The following OSBP2 variants were observed in gnomAD, a reference collection of about 807,000 sequenced individuals.
OSBP2 encodes oxysterol binding protein 2.
Under a neutral mutation model 96.0 loss-of-function variants are expected in OSBP2, and 66 were observed. The ratio of observed to expected loss-of-function variants is 0.69; its 90% CI spans 0.56 to 0.84. The LOEUF is 0.84. Ranked by LOEUF, OSBP2 falls within the 40% of genes least tolerant of loss-of-function variation. OSBP2 has a pLI of 0.00. For synonymous variants in OSBP2, 525 were observed against 520.9 expected, an observed-to-expected ratio of 1.01 and a Z score of -0.11; for missense variants, 1,038 against 1,222.7, an observed-to-expected ratio of 0.85 and a Z score of 2.25.
At chr22:30,753,744 T>C (rs1427538643) in intron 2 of OSBP2, among the ~76,000 whole-genome samples, 1 of 152,220 alleles carries the variant, frequency 6.6e-6, no homozygotes, top group Non-Finnish European at 1.5e-5. Flanking sequence ...AAAAGAGTTA[T>C]TATTGGACTT....
chr22:30,903,328 G>GTCCTA (rs2040256813), intron 12 of OSBP2, among the ~76,000 whole-genome samples: 1 of 152,200 alleles, frequency 6.6e-6, no homozygotes, highest in African/African-American at 2.4e-5. Context: ...ATAGAGAATT[G>GTCCTA]GAGGCACCTT....
intron 2 of OSBP2, among the ~76,000 whole-genome samples, chr22:30,813,578 G>A (rs2091040678): frequency 6.6e-6 from 1 of 152,024 alleles, no homozygotes; most frequent in Admixed American, 6.6e-5. Context: ...TAGCCATGCT[G>A]TCTGTCCTGC....
At chr22:30,839,609 G>A (rs1425340744) in intron 2 of OSBP2, among the ~76,000 whole-genome samples, 1 of 151,998 alleles carries the variant, frequency 6.6e-6, no homozygotes, top group Admixed American at 6.6e-5. Context: ...GTGATGATGA[G>A]CATTTTTTCA....
chr22:30,775,790 G>A (rs186198336), intron 2 of OSBP2, among the ~76,000 whole-genome samples: 2 of 151,616 alleles, frequency 1.3e-5, no homozygotes, highest in Non-Finnish European at 1.5e-5. Context: ...AGATTTTTTT[G>A]GGGGGGAGGT....
At chr22:30,723,363 C>T (rs1036165327) in intron 1 of OSBP2, among the ~76,000 whole-genome samples, 1 of 149,288 alleles carries the variant, frequency 6.7e-6, no homozygotes, top group Non-Finnish European at 1.5e-5. Context: ...CCTCAGCCTC[C>T]CAAATTGCTG....
chr22:30,749,993 G>A (rs1490961310), intron 2 of OSBP2, among the ~76,000 whole-genome samples: 1 of 152,210 alleles, frequency 6.6e-6, no homozygotes. Context: ...GAGCACACTA[G>A]GAGAGGGAGG....
intron 1 of OSBP2, among the ~76,000 whole-genome samples, chr22:30,711,713 C>T (rs12484930): frequency 0.12 from 18,175 of 147,126 alleles, 1,774 homozygotes; most frequent in East Asian, 0.38. Flanking sequence ...GCACTCCAGC[C>T]TGGGTGACAC....
chr22:30,800,835 C>T (rs1302736451), intron 2 of OSBP2, among the ~76,000 whole-genome samples: 1 of 151,972 alleles, frequency 6.6e-6, no homozygotes, highest in Non-Finnish European at 1.5e-5. Flanking sequence ...GGTTCCAAAC[C>T]CTGAATCTTT....
Position 30,717,091 on chromosome 22 carries a change from TGTGTG to T in OSBP2, c.644+21539_644+21543del, listed in dbSNP as rs1363330015. ...TATTTTGTTTTAATTTTACTGTTTTTGTGTGTGTGTGTGTGTGTGTGTGTGTGTGT... is the reference window on the plus strand; with the variant it reads ...TATTTTGTTTTAATTTTACTGTTTTTTGTGTGTGTGTGTGTGTGTGTGTGT... On this transcript the variant is annotated intron_variant, in intron 1 of 13. Coordinates refer to ENST00000332585, the MANE Select transcript of OSBP2 (RefSeq NM_030758.4). Among the ~76,000 whole-genome samples, 29 of 64,362 alleles carry T rather than the reference TGTGTG, an allele frequency of 4.5e-4. 1 individual carries two copies. Among genetic ancestry groups the T allele is most frequent in the African/African-American group, 1.5e-3 (28 of 18,338 alleles). The allele number at this position is 64,362 out of a possible 152,430, so 42.2% of individuals were successfully genotyped here. A position where few individuals can be genotyped will look rare whatever the true frequency, so the allele number is the denominator to read the frequency against.
chr22:30,774,980 A>G (rs555856729), intron 2 of OSBP2, among the ~76,000 whole-genome samples: 1 of 152,286 alleles, frequency 6.6e-6, no homozygotes, highest in Non-Finnish European at 1.5e-5. Flanking sequence ...CTTAGCTTTC[A>G]ATGATGTTCA....
At chr22:30,741,037 T>C in intron 1 of OSBP2, 124 bp from the exon 2 acceptor site, 1 of 769,220 alleles carries the variant, frequency 1.3e-6, no homozygotes, top group Non-Finnish European at 2.1e-6. Flanking sequence ...TCTCCCAACT[T>C]TGACTCCAGG....
chr22:30,836,785 G>A (rs1028266789), intron 2 of OSBP2, among the ~76,000 whole-genome samples: 2 of 152,096 alleles, frequency 1.3e-5, no homozygotes, highest in Admixed American at 1.3e-4. Context: ...AGCCCCAAGA[G>A]GTGATAATCA....
intron 2 of OSBP2, among the ~76,000 whole-genome samples, chr22:30,862,959 T>C (rs1370034730): frequency 6.2e-5 from 5 of 80,378 alleles, no homozygotes; most frequent in Non-Finnish European, 1.3e-4. Flanking sequence ...GGTGACTCTG[T>C]CTCAAAAAAA....
At chr22:30,830,383 C>T (rs1478435052) in intron 2 of OSBP2, among the ~76,000 whole-genome samples, 1 of 152,254 alleles carries the variant, frequency 6.6e-6, no homozygotes, top group Non-Finnish European at 1.5e-5. Context: ...GGAACCCCAC[C>T]TGGACAGCGC....
intron 2 of OSBP2, among the ~76,000 whole-genome samples, chr22:30,780,090 T>C (rs932922232): frequency 1.3e-5 from 2 of 152,260 alleles, no homozygotes; most frequent in Admixed American, 6.5e-5. Flanking sequence ...CAAATCAAGA[T>C]GCCAGAACTG....
intron 3 of OSBP2, among the ~76,000 whole-genome samples, chr22:30,884,397 A>C (rs1316887619): frequency 6.6e-6 from 1 of 152,124 alleles, no homozygotes; most frequent in Non-Finnish European, 1.5e-5. Flanking sequence ...GTGGGCTCAG[A>C]GGGTCCAAGG....
At chr22:30,842,764 A>AGTTC (rs2038779113) in intron 2 of OSBP2, 1 of 150,446 alleles carries the variant, frequency 6.6e-6, no homozygotes, top group Admixed American at 6.6e-5. Flanking sequence ...TCAGCAATTC[A>AGTTC]GTTCGTTCTT....
chr22:30,811,210 A>C (rs1447030551), intron 2 of OSBP2, among the ~76,000 whole-genome samples: 1 of 148,538 alleles, frequency 6.7e-6, no homozygotes, highest in African/African-American at 2.5e-5. Context: ...TGTACTGTAC[A>C]TACTGATCAA....
At chr22:30,793,411 A>G (rs2090708186) in intron 2 of OSBP2, among the ~76,000 whole-genome samples, 1 of 152,136 alleles carries the variant, frequency 6.6e-6, no homozygotes, top group South Asian at 2.1e-4. Flanking sequence ...CACACCAGTA[A>G]TCCCAGCACT....
Sources: allele counts gnomAD v4.1 joint callset (sites outside exome capture counted in the v4.1 genomes callset), GRCh38; gene constraint gnomAD v4.1.1; transcripts MANE v1.5; gene names NCBI Gene and HGNC (gene_info 2026-07-23, HGNC 2026-07-21).